Variants in NRXN1 observed in about 807,000 individuals in gnomAD.
NRXN1 encodes neurexin-1.
Under a neutral mutation model 150.9 loss-of-function variants are expected in NRXN1, and 39 were observed. That is an observed-to-expected ratio of 0.26 (90% CI 0.20 to 0.34). The LOEUF (loss-of-function observed/expected upper bound fraction) is 0.34. Among genes scored for constraint, NRXN1 ranks in the 10% least tolerant of loss-of-function variants. The probability of loss-of-function intolerance (pLI) is 1.00; values close to 1 mark genes in which losing one functional copy is unlikely to be tolerated. For synonymous variants in NRXN1, 924 were observed against 757.0 expected (o/e 1.22, Z -3.62); for missense variants, 1,815 against 1,949.9 (o/e 0.93, Z 1.30).
At chr2:50,923,219 C>T (rs1380001392) in intron 3 of NRXN1, among the ~76,000 whole-genome samples, 2 of 151,810 alleles carry the variant, frequency 1.3e-5, no homozygotes, top group African/African-American at 4.8e-5. Flanking sequence ...TTGTCTGACA[C>T]ATGTAGCGGC....
chr2:49,967,068 T>A (rs1677090478), intron 21 of NRXN1, among the ~76,000 whole-genome samples: 1 of 152,128 alleles, frequency 6.6e-6, no homozygotes, highest in South Asian at 2.1e-4. Context: ...AACCCAGTGA[T>A]AAATTTCCCA....
At chr2:50,113,910 T>A (rs150293563) in intron 18 of NRXN1, among the ~76,000 whole-genome samples, 1 of 152,158 alleles carries the variant, frequency 6.6e-6, no homozygotes, top group Non-Finnish European at 1.5e-5. Flanking sequence ...AGTATCTCTA[T>A]GTACACAGGA....
chr2:50,777,514 G>A (rs188517926), intron 5 of NRXN1, among the ~76,000 whole-genome samples: 129 of 152,198 alleles, frequency 8.5e-4, no homozygotes, highest in African/African-American at 3.0e-3. Flanking sequence ...GTTGGCTAAC[G>A]CTGGCTACTT....
intron 2 of NRXN1, among the ~76,000 whole-genome samples, chr2:50,929,345 G>T (rs1184489885): frequency 6.6e-6 from 1 of 152,044 alleles, no homozygotes; most frequent in Non-Finnish European, 1.5e-5. Context: ...TGTATAATCA[G>T]TGCTAAAGTT....
chr2:50,541,653 C>A (rs1026907106), intron 9 of NRXN1, among the ~76,000 whole-genome samples: 2 of 151,854 alleles, frequency 1.3e-5, no homozygotes, highest in South Asian at 4.2e-4. Flanking sequence ...TCATAGAGAC[C>A]ACAATTTTCA....
At chr2:50,998,533 G>C (rs1699618468) in intron 2 of NRXN1, among the ~76,000 whole-genome samples, 1 of 151,852 alleles carries the variant, frequency 6.6e-6, no homozygotes, top group Non-Finnish European at 1.5e-5. Flanking sequence ...GATTCTATTA[G>C]GTCTTCAAAA....
intron 5 of NRXN1, among the ~76,000 whole-genome samples, chr2:50,821,348 C>A (rs1300837607): frequency 6.6e-6 from 1 of 152,142 alleles, no homozygotes; most frequent in East Asian, 1.9e-4. Flanking sequence ...CAAGACAATT[C>A]TTCTTCTTCC....
At chr2:50,219,667 G>A (rs760930708) in intron 18 of NRXN1, among the ~76,000 whole-genome samples, 6 of 150,792 alleles carry the variant, frequency 4.0e-5, no homozygotes, top group African/African-American at 7.3e-5. Context: ...CAGGAGGATC[G>A]CTTGAGCCCA....
At chr2:50,059,413 G>C (rs1694147436) in intron 19 of NRXN1, among the ~76,000 whole-genome samples, 1 of 152,132 alleles carries the variant, frequency 6.6e-6, no homozygotes, top group African/African-American at 2.4e-5. Context: ...ATACAGTTTG[G>C]AATTGGAACT....
At chr2:50,252,731 G>C (rs1266876870) in intron 17 of NRXN1, among the ~76,000 whole-genome samples, 3 of 152,046 alleles carry the variant, frequency 2.0e-5, no homozygotes, top group African/African-American at 7.2e-5. Flanking sequence ...GGTGGTTGTA[G>C]ATGTGCAGTC....
chr2:50,174,631 T>C (rs1025419486), intron 18 of NRXN1: 1 of 152,176 alleles, frequency 6.6e-6, no homozygotes, highest in Admixed American at 6.6e-5. Flanking sequence ...CTTAGTTCTA[T>C]CACTTATTAG....
chr2:50,358,425 G>A (rs1390535530), intron 17 of NRXN1, among the ~76,000 whole-genome samples: 1 of 152,202 alleles, frequency 6.6e-6, no homozygotes, highest in Non-Finnish European at 1.5e-5. Flanking sequence ...TGAGGCTTGA[G>A]TAGGTGGTTT....
intron 2 of NRXN1, among the ~76,000 whole-genome samples, chr2:50,981,688 C>T (rs1211701752): frequency 6.6e-6 from 1 of 151,834 alleles, no homozygotes; most frequent in Non-Finnish European, 1.5e-5. Flanking sequence ...ATATCTTTGA[C>T]AGCTTTTGGC....
intron 5 of NRXN1, among the ~76,000 whole-genome samples, chr2:50,876,943 T>A (rs1178860225): frequency 6.6e-6 from 1 of 151,906 alleles, no homozygotes; most frequent in Non-Finnish European, 1.5e-5. Context: ...TCTGTTAAAA[T>A]CTTATAATAT....
intron 21 of NRXN1, among the ~76,000 whole-genome samples, chr2:49,948,270 A>C (rs1673309567): frequency 6.6e-6 from 1 of 152,100 alleles, no homozygotes; most frequent in East Asian, 1.9e-4. Context: ...CTTTTGGAAC[A>C]ATTCTACACT....
intron 18 of NRXN1, among the ~76,000 whole-genome samples, chr2:50,185,944 C>T (rs1191058203): frequency 2.6e-5 from 4 of 151,946 alleles, no homozygotes; most frequent in African/African-American, 9.7e-5. Flanking sequence ...GCCTCATTAC[C>T]TATAAATATT....
At chr2:49,939,237 G>T (rs1671553590) in intron 22 of NRXN1, among the ~76,000 whole-genome samples, 1 of 152,078 alleles carries the variant, frequency 6.6e-6, no homozygotes, top group South Asian at 2.1e-4. Flanking sequence ...TCTCTAGGCT[G>T]AGAAAAATCA....
intron 2 of NRXN1, among the ~76,000 whole-genome samples, chr2:50,983,579 G>A (rs914494689): frequency 3.9e-5 from 6 of 151,926 alleles, no homozygotes; most frequent in Non-Finnish European, 8.8e-5. Context: ...AGTAACTATT[G>A]GTAAACACAT....
At chr2:50,384,523 A>AT (rs1553526837) in intron 17 of NRXN1, among the ~76,000 whole-genome samples, 1,822 of 141,940 alleles carry the variant, frequency 0.013, 66 homozygotes, top group African/African-American at 0.039. Context: ...AAAAAAAAAA[A>AT]AAAAAAAAAA....
Sources: allele counts gnomAD v4.1 joint callset (sites outside exome capture counted in the v4.1 genomes callset), GRCh38; gene constraint gnomAD v4.1.1; transcripts MANE v1.5; gene names NCBI Gene and HGNC (gene_info 2026-07-23, HGNC 2026-07-21).